The following PLGRKT variants were observed in gnomAD, a reference collection of about 807,000 sequenced individuals.
PLGRKT encodes the protein plasminogen receptor (KT).
A neutral mutation model predicts 18.5 loss-of-function variants in PLGRKT; 22 were observed. That is an observed-to-expected ratio of 1.19 (90% CI 0.85 to 1.70). The LOEUF (loss-of-function observed/expected upper bound fraction) is 1.70, where lower values mean the gene tolerates loss of function less well. Ranked by LOEUF, PLGRKT falls within the 40% of genes most tolerant of loss-of-function variation. The pLI, the probability that PLGRKT is intolerant of heterozygous loss-of-function variation, is 0.00. For synonymous variants in PLGRKT, 72 were observed against 52.8 expected (o/e 1.36, Z -1.58); for missense variants, 235 against 174.4 (o/e 1.35, Z -1.96).
At chr9:5,399,278 C>CA (rs1291440607) in intron 3 of PLGRKT, among the ~76,000 whole-genome samples, 1 of 151,764 alleles carries the variant, frequency 6.6e-6, no homozygotes, top group Non-Finnish European at 1.5e-5. Context: ...ATAGACCAGC[C>CA]AAAAAACCTC....
chr9:5,394,697 G>A (rs928022147), intron 3 of PLGRKT, among the ~76,000 whole-genome samples: 1 of 151,976 alleles, frequency 6.6e-6, no homozygotes, highest in Non-Finnish European at 1.5e-5. Context: ...ACAGGCGTAA[G>A]CCACTGCGTG....
At chr9:5,398,736 T>C (rs1368220510) in intron 3 of PLGRKT, among the ~76,000 whole-genome samples, 6 of 151,898 alleles carry the variant, frequency 4.0e-5, no homozygotes, top group African/African-American at 1.5e-4. Flanking sequence ...TATATCATGT[T>C]TAAAAACTTT....
intron 3 of PLGRKT, among the ~76,000 whole-genome samples, chr9:5,403,459 A>T (rs199950874): frequency 2.6e-5 from 4 of 152,106 alleles, no homozygotes; most frequent in Non-Finnish European, 4.4e-5. Flanking sequence ...TCCTGACCTC[A>T]GGTGATCCGC....
chr9:5,388,093 T>C (rs1817879373), intron 3 of PLGRKT, among the ~76,000 whole-genome samples: 1 of 151,908 alleles, frequency 6.6e-6, no homozygotes, highest in Non-Finnish European at 1.5e-5. Context: ...GCGGGAGTTA[T>C]TTGAAATTAT....
At chr9:5,396,040 C>A (rs1282698752) in intron 3 of PLGRKT, among the ~76,000 whole-genome samples, 1 of 150,644 alleles carries the variant, frequency 6.6e-6, no homozygotes, top group African/African-American at 2.5e-5. Context: ...ATTACAGGTG[C>A]CCGCCAACAT....
rs377581811 is a variant in PLGRKT, at chr9:5,361,186, C to T, written c.214G>A (p.Ala72Thr). Residue 72 changes from alanine to threonine, a missense_variant and splice_region_variant, in exon 5 of 6, where the codon GCG becomes ACG. By Grantham distance (58) the Ala-to-Thr change is moderately conservative (BLOSUM62 0). Coordinates refer to ENST00000223864, the MANE Select transcript of PLGRKT (RefSeq NM_018465.4). ...AAGGCTGGCTTCTTTTTTTTAATCG[C>T]TCTGTTTCAAGAATTAAAAGAAGAA... The part of the protein sequence containing the change: ...GLAAISLTAG[A>T]IKKKKPAFLV... 4.8e-5 allele frequency: 75 copies of T among 1,577,802 alleles called. No individual in the cohort carries two copies. The highest frequency in any genetic ancestry group is 1.0e-5 in the Non-Finnish European group (12 of 1,150,726).
chr9:5,431,861 G>A (rs775278023), intron 3 of PLGRKT, 36 bp downstream of exon 3: 3 of 1,003,724 alleles, frequency 3.0e-6, no homozygotes, highest in Non-Finnish European at 4.8e-6. Flanking sequence ...TTTAAGCATT[G>A]TAACAACATA....
intron 3 of PLGRKT, among the ~76,000 whole-genome samples, chr9:5,384,386 G>GT (rs914034080): frequency 1.3e-5 from 2 of 152,084 alleles, no homozygotes; most frequent in African/African-American, 2.4e-5. Flanking sequence ...ATAATTCACA[G>GT]TTTTTTTAGA....
chr9:5,412,958 A>G (rs1246559065), intron 3 of PLGRKT, among the ~76,000 whole-genome samples: 2 of 152,232 alleles, frequency 1.3e-5, no homozygotes, highest in African/African-American at 4.8e-5. Context: ...AAAACAAGAT[A>G]TATAAATGGC....
intron 3 of PLGRKT, among the ~76,000 whole-genome samples, chr9:5,428,891 G>A (rs1818758425): frequency 6.6e-6 from 1 of 152,122 alleles, no homozygotes; most frequent in African/African-American, 2.4e-5. Flanking sequence ...AAATGGAGAT[G>A]AAGTCTCACT....
intron 3 of PLGRKT, chr9:5,381,790 G>C (rs1253113544): frequency 4.0e-6 from 3 of 741,758 alleles, no homozygotes; most frequent in African/African-American, 1.9e-5. Flanking sequence ...AGTTGGTCTA[G>C]AAACATGGCC....
chr9:5,403,765 G>C (rs1289421504), intron 3 of PLGRKT, among the ~76,000 whole-genome samples: 3 of 152,194 alleles, frequency 2.0e-5, no homozygotes, highest in African/African-American at 4.8e-5. Flanking sequence ...CTTATTAATG[G>C]TTACAGATAA....
chr9:5,432,695 G>C (rs1818854328), intron 2 of PLGRKT, among the ~76,000 whole-genome samples: 1 of 152,180 alleles, frequency 6.6e-6, no homozygotes. Flanking sequence ...ACGGGGTTTT[G>C]CCGTGTTGAC....
rs147601254 is a variant in PLGRKT at position 5,359,813 on chromosome 9, T to G, written c.322+1265A>C. ...TCAGGATTCTGTGACAGCAGCAGTATGCTGGTGAATATTTACCAACCAGTT... is the reference window on the plus strand; with the variant it reads ...TCAGGATTCTGTGACAGCAGCAGTAGGCTGGTGAATATTTACCAACCAGTT... On this transcript the variant is annotated intron_variant, in intron 5 of 5. Transcript: ENST00000223864. Among the ~76,000 whole-genome samples, 567 of 152,336 alleles carry G rather than the reference T, an allele frequency of 3.7e-3. 6 individuals carry two copies. Among genetic ancestry groups the G allele is most frequent in the African/African-American group, 0.013 (531 of 41,568 alleles).
intron 3 of PLGRKT, among the ~76,000 whole-genome samples, chr9:5,387,933 T>G (rs1350261802): frequency 6.6e-6 from 1 of 151,730 alleles, no homozygotes; most frequent in East Asian, 1.9e-4. Context: ...AGTGGTTGGA[T>G]TCTAGATATA....
chr9:5,373,434 T>G (rs1205759554), intron 3 of PLGRKT, among the ~76,000 whole-genome samples: 1 of 152,204 alleles, frequency 6.6e-6, no homozygotes, highest in Non-Finnish European at 1.5e-5. Context: ...CCTTCTCTAC[T>G]CTGCTGCACA....
At chr9:5,404,035 G>A (rs1818207139) in intron 3 of PLGRKT, among the ~76,000 whole-genome samples, 1 of 152,170 alleles carries the variant, frequency 6.6e-6, no homozygotes, top group African/African-American at 2.4e-5. Context: ...TAGAAGAAAT[G>A]GGTACATTCC....
intron 5 of PLGRKT, among the ~76,000 whole-genome samples, chr9:5,359,523 A>C (rs1817215677): frequency 6.6e-6 from 1 of 152,224 alleles, no homozygotes; most frequent in Non-Finnish European, 1.5e-5. Context: ...TTGATGACAG[A>C]CTAGATGTTT....
At position 5,381,957 on chromosome 9, in the gene PLGRKT, A is replaced by G. The variant is rs1011212636; in HGVS notation, c.82-20069T>C. 4 of 984,800 alleles carry G rather than the reference A, an allele frequency of 4.1e-6. No individual in the cohort carries two copies. The African/African-American group carries it at 5.2e-5, about 13-fold the overall frequency. The allele number at this position is 984,800 out of a possible 1,614,324, so 61.0% of individuals were successfully genotyped here. On this transcript the variant is annotated intron_variant, in intron 3 of 5. Transcript: ENST00000223864. Reference sequence around the variant, plus strand: ...GAGACAGGGCCTCCATGCCTGAGCCAGCTCTCAAGCACAAGGCACTCCTCC... The same window carrying G: ...GAGACAGGGCCTCCATGCCTGAGCCGGCTCTCAAGCACAAGGCACTCCTCC...
Sources: allele counts gnomAD v4.1 joint callset (sites outside exome capture counted in the v4.1 genomes callset), GRCh38; gene constraint gnomAD v4.1.1; transcripts MANE v1.5; gene names NCBI Gene and HGNC (gene_info 2026-07-23, HGNC 2026-07-21).